Variants in NKAIN3 observed in about 807,000 individuals in gnomAD.
NKAIN3 encodes sodium/potassium-transporting ATPase subunit beta-1-interacting protein 3.
NKAIN3 carries 25 observed loss-of-function variants against 30.2 expected under a neutral mutation model. The observed-to-expected ratio is 0.83, with a 90% CI of 0.60 to 1.16. NKAIN3 has a LOEUF of 1.16. Ranked by LOEUF, NKAIN3 falls within the 50% of genes most tolerant of loss-of-function variation. The pLI is 0.00. For missense variants in NKAIN3, 225 were observed against 254.1 expected (o/e 0.89, Z 0.78); for synonymous variants, 91 against 89.6 (o/e 1.02, Z -0.09).
chr8:62,390,670 A>G (rs1262230401), intron 1 of NKAIN3, among the ~76,000 whole-genome samples: 1 of 152,124 alleles, frequency 6.6e-6, no homozygotes, highest in Admixed American at 6.5e-5. Context: ...GAGTAAAAGC[A>G]TTCCTTTTTC....
intron 3 of NKAIN3, among the ~76,000 whole-genome samples, chr8:62,626,623 C>T (rs1811796857): frequency 2.0e-5 from 3 of 152,212 alleles, no homozygotes; most frequent in Admixed American, 2.0e-4. Flanking sequence ...GCTTCACCTG[C>T]TAACTCTCAG....
intron 1 of NKAIN3, among the ~76,000 whole-genome samples, chr8:62,560,092 C>A (rs1809520777): frequency 6.6e-6 from 1 of 152,060 alleles, no homozygotes; most frequent in African/African-American, 2.4e-5. Context: ...AAATATTTTG[C>A]TTTTCATTCT....
chr8:62,929,883 G>T (rs1398594823), intron 5 of NKAIN3, among the ~76,000 whole-genome samples: 1 of 152,110 alleles, frequency 6.6e-6, no homozygotes, highest in Non-Finnish European at 1.5e-5. Flanking sequence ...TATCATTAGT[G>T]TTAGCTTATT....
chr8:62,847,267 T>C (rs185485363), intron 4 of NKAIN3, among the ~76,000 whole-genome samples: 1 of 152,262 alleles, frequency 6.6e-6, no homozygotes, highest in Admixed American at 6.5e-5. Context: ...CACCACACTG[T>C]CTTCCACAAT....
At chr8:62,292,243 T>A (rs930748185) in intron 1 of NKAIN3, among the ~76,000 whole-genome samples, 5 of 152,176 alleles carry the variant, frequency 3.3e-5, no homozygotes, top group Non-Finnish European at 5.9e-5. Context: ...ACATTTAAGT[T>A]TAATATTGTT....
At chr8:62,553,662 G>A (rs375259633) in intron 1 of NKAIN3, among the ~76,000 whole-genome samples, 14 of 150,790 alleles carry the variant, frequency 9.3e-5, no homozygotes, top group Non-Finnish European at 7.4e-5. Flanking sequence ...TCAGCCTCCC[G>A]AACAGCTGGG....
intron 1 of NKAIN3, among the ~76,000 whole-genome samples, chr8:62,388,814 G>A (rs554161912): frequency 6.6e-6 from 1 of 152,262 alleles, no homozygotes; most frequent in East Asian, 1.9e-4. Context: ...TTGAGTGTAA[G>A]GTGCACCATT....
chr8:62,863,645 G>A, intron 4 of NKAIN3: 1 of 1,279,556 alleles, frequency 7.8e-7, no homozygotes, highest in Non-Finnish European at 1.1e-6. Context: ...TGGGTCACTG[G>A]GATAACTTTC....
chr8:62,679,858 G>A (rs1459815796), intron 3 of NKAIN3, among the ~76,000 whole-genome samples: 2 of 152,140 alleles, frequency 1.3e-5, no homozygotes, highest in African/African-American at 4.8e-5. Flanking sequence ...GATATTTGGG[G>A]TGGGGACACA....
intron 5 of NKAIN3, among the ~76,000 whole-genome samples, chr8:62,995,491 T>C (rs1804090571): frequency 6.6e-6 from 1 of 152,174 alleles, no homozygotes; most frequent in African/African-American, 2.4e-5. Flanking sequence ...TTCACACTGC[T>C]CTGTGTCTGT....
chr8:62,806,555 CA>C (rs1243759131), intron 4 of NKAIN3, among the ~76,000 whole-genome samples: 1 of 152,068 alleles, frequency 6.6e-6, no homozygotes, highest in East Asian at 1.9e-4. Flanking sequence ...ATCAGAAGGA[CA>C]AAAAACCAAA....
chr8:62,917,423 A>C (rs995927502), intron 4 of NKAIN3, among the ~76,000 whole-genome samples: 6 of 152,172 alleles, frequency 3.9e-5, no homozygotes, highest in Non-Finnish European at 8.8e-5. Context: ...CTAAGACCTC[A>C]CCCTAAACTT....
chr8:62,402,932 C>T lies in NKAIN3; in HGVS notation c.54+153805C>T, dbSNP rs1200904227. 2.0e-5 allele frequency among the ~76,000 whole-genome samples: 3 copies of T among 152,072 alleles called. No homozygotes were observed. The East Asian group carries it at 5.8e-4, about 29-fold the overall frequency. On this transcript the variant is annotated intron_variant, in intron 1 of 6. Coordinates refer to ENST00000623646, the MANE Select transcript of NKAIN3 (RefSeq NM_001304533.3). Reference sequence around the variant, plus strand: ...GAAAATGTGGGAAAGTTGGGAACTTCCTAGAGACTTGGTGGGCTCAGAAGA... The same window carrying T: ...GAAAATGTGGGAAAGTTGGGAACTTTCTAGAGACTTGGTGGGCTCAGAAGA...
intron 1 of NKAIN3, among the ~76,000 whole-genome samples, chr8:62,446,252 A>G (rs903868402): frequency 1.3e-5 from 2 of 152,276 alleles, no homozygotes; most frequent in African/African-American, 4.8e-5. Context: ...AGATCTTAGC[A>G]TATGATCAGA....
At chr8:62,820,297 A>T (rs951132026) in intron 4 of NKAIN3, among the ~76,000 whole-genome samples, 1 of 152,172 alleles carries the variant, frequency 6.6e-6, no homozygotes, top group African/African-American at 2.4e-5. Flanking sequence ...ACCTTTTTTA[A>T]TAGTATAAAC....
At chr8:62,943,213 T>A (rs891252429) in intron 5 of NKAIN3, among the ~76,000 whole-genome samples, 1 of 151,794 alleles carries the variant, frequency 6.6e-6, no homozygotes, top group Non-Finnish European at 1.5e-5. Context: ...AACAATCCCA[T>A]CAGAAAGTGA....
At chr8:62,746,832 G>A (rs1309052070) in intron 3 of NKAIN3, 100 bp from the exon 4 acceptor site, 1 of 766,450 alleles carries the variant, frequency 1.3e-6, no homozygotes, top group Non-Finnish European at 2.1e-6. Flanking sequence ...TGAAATCACT[G>A]TAGCAATTTC....
chr8:62,432,993 T>G, intron 1 of NKAIN3, among the ~76,000 whole-genome samples: 1 of 152,136 alleles, frequency 6.6e-6, no homozygotes, highest in East Asian at 1.9e-4. Flanking sequence ...GAGCCACACT[T>G]GAAGTAGTTT....
chr8:62,452,048 C>T (rs1345604568), intron 1 of NKAIN3, among the ~76,000 whole-genome samples: 2 of 152,214 alleles, frequency 1.3e-5, no homozygotes, highest in Non-Finnish European at 2.9e-5. Context: ...TCAGATATGG[C>T]ATGACTTGCT....
Sources: gnomAD v4.1 joint callset for allele counts (sites outside exome capture counted in the v4.1 genomes callset) on GRCh38, gnomAD v4.1.1 for gene constraint, MANE v1.5 for transcripts, NCBI Gene and HGNC (gene_info 2026-07-23, HGNC 2026-07-21) for gene names.